The following TCF21 variants were observed in gnomAD, a reference collection of about 807,000 sequenced individuals.
TCF21 encodes the protein capsulin.
Under a neutral mutation model 13.5 loss-of-function variants are expected in TCF21, and 3 were observed. The observed-to-expected ratio is 0.22, with a 90% CI of 0.10 to 0.57. The LOEUF is 0.57. Among genes scored for constraint, TCF21 ranks in the 20% least tolerant of loss-of-function variants. The pLI is 0.92. For missense variants in TCF21, 181 were observed against 238.4 expected, an observed-to-expected ratio of 0.76 and a Z score of 1.59; for synonymous variants, 92 against 101.7, an observed-to-expected ratio of 0.90 and a Z score of 0.57.
downstream of TCF21, chr6:133,892,582 G>A (rs1311045784): frequency 6.6e-6 from 1 of 152,196 alleles, no homozygotes; most frequent in African/African-American, 2.4e-5. Context: ...GGATTCCACC[G>A]TATGACTGCT....
At position 133,889,934 on chromosome 6, in the gene TCF21, G is replaced by A. The variant is rs563397710; in HGVS notation, c.450+87G>A. On this transcript the variant is annotated intron_variant, in intron 1 of 1. Transcript: ENST00000367882. This position sits in a 1 kb window ranked among gnomAD's most constrained non-coding sequence, Gnocchi z 5.1. ...CGCGAGTGCGCGCGGGGCTGGGAGT[G>A]GGGGTGTGGGCGCGGCGGTGACTTA... The A allele has an allele frequency of 6.8e-6, 10 of 1,462,998 alleles. No homozygotes were observed. The highest frequency in any genetic ancestry group is 1.4e-5 in the African/African-American group (1 of 71,732). The allele number at this position is 1,462,998 out of a possible 1,614,324, so 90.6% of individuals were successfully genotyped here.
intron 1 of TCF21, among the ~76,000 whole-genome samples, chr6:133,891,067 G>A (rs1405369387): frequency 6.6e-6 from 1 of 152,192 alleles, no homozygotes; most frequent in African/African-American, 2.4e-5. Context: ...GGAAGAGAAA[G>A]CATACTTTCT....
chr6:133,892,080 A>G lies in TCF21; in HGVS notation c.*278A>G, dbSNP rs1294680355. The G allele has an allele frequency of 3.0e-6, 1 of 329,210 alleles. No individual in the cohort carries two copies. Among genetic ancestry groups the G allele is most frequent in the African/African-American group, 2.1e-5 (1 of 48,746 alleles). 20.4% of individuals were successfully genotyped at this position (329,210 alleles called of 1,614,324 possible). A position where few individuals can be genotyped will look rare whatever the true frequency, so the allele number is the denominator to read the frequency against. ...GTCCAAGTGCAATATGTAATTATAAATATATAAATAGATAAGAGCCTATCA... is the reference window on the plus strand; with the variant it reads ...GTCCAAGTGCAATATGTAATTATAAGTATATAAATAGATAAGAGCCTATCA... On this transcript the variant is annotated 3_prime_UTR_variant, in exon 2 of 2. Coordinates refer to ENST00000367882, the MANE Select transcript of TCF21 (RefSeq NM_003206.4).
chr6:133,893,153 A>AGTTTTG (rs1775248848), downstream of TCF21: 1 of 152,146 alleles, frequency 6.6e-6, no homozygotes, highest in African/African-American at 2.4e-5. Context: ...TTCTCGGCTT[A>AGTTTTG]GTTTGGTACC....
chr6:133,895,048 T>C (rs1775280543), downstream of TCF21: 1 of 152,132 alleles, frequency 6.6e-6, no homozygotes, highest in Admixed American at 6.5e-5. Flanking sequence ...TCATTGCTTG[T>C]ATGACTTCAC....
chr6:133,889,421 T>C lies in TCF21; in HGVS notation c.24T>C (p.Asp8=). MSTGSLS[D]VEDLQEVEML... ...ACATGTCCACCGGCTCCCTCAGCGA[T>C]GTGGAGGACCTTCAAGAGGTGGAGA... is the stretch of plus-strand genomic sequence containing the variant. The change falls in exon 1 of 2, where the codon GAT becomes GAC. Residue 8 remains aspartate, a synonymous_variant. Coordinates refer to ENST00000367882, the MANE Select transcript of TCF21 (RefSeq NM_003206.4). The surrounding 1 kb of genome is among the most constrained non-coding windows in gnomAD (Gnocchi z 5.1). 2.5e-6 allele frequency: 4 copies of C among 1,613,974 alleles called. No homozygotes were observed. The highest frequency in any genetic ancestry group is 1.1e-5 in the South Asian group (1 of 91,076).
In TCF21 at chr6:133,889,870, C is replaced by G. The variant is rs1445266366; in HGVS notation, c.450+23C>G. 1.2e-6 allele frequency: 2 copies of G among 1,612,272 alleles called. No individual in the cohort carries two copies. The highest frequency in any genetic ancestry group is 1.7e-6 in the Non-Finnish European group (2 of 1,179,514). On this transcript the variant is annotated intron_variant, in intron 1 of 1. Transcript: ENST00000367882. This position sits in a 1 kb window ranked among gnomAD's most constrained non-coding sequence, Gnocchi z 5.1. ...CTGGTGAGTGCTCCCGGGGCTGCAG[C>G]TGCAGTCCAGGCGCGCCCGCACTCC...
Position 133,889,260 on chromosome 6 carries a change from C to T in TCF21, c.-138C>T, listed in dbSNP as rs2114559410. The T allele has an allele frequency of 8.8e-7, 1 of 1,132,784 alleles. No individual in the cohort carries two copies. 70.2% of individuals were successfully genotyped at this position (1,132,784 alleles called of 1,614,324 possible). On this transcript the variant is annotated 5_prime_UTR_variant, in exon 1 of 2. Coordinates refer to ENST00000367882, the MANE Select transcript of TCF21 (RefSeq NM_003206.4). The surrounding 1 kb of genome is among the most constrained non-coding windows in gnomAD (Gnocchi z 5.1). ...AGACCCAACCAGACCCCAACTCCAG[C>T]TCCCAGCAGGAGGTGGCTGCGCCAC...
At chr6:133,890,082 G>A (rs1384183435) in intron 1 of TCF21, among the ~76,000 whole-genome samples, 1 of 152,200 alleles carries the variant, frequency 6.6e-6, no homozygotes, top group Non-Finnish European at 1.5e-5. Flanking sequence ...GGTTTGACGT[G>A]GCAGCCCAAT....
At chr6:133,893,162 C>A (rs950753194), downstream of TCF21, 1 of 152,232 alleles carries the variant, frequency 6.6e-6, no homozygotes, top group Non-Finnish European at 1.5e-5. Context: ...TAGTTTGGTA[C>A]CTGGAGCGAG....
chr6:133,894,236 TTCTC>T (rs1299036780), downstream of TCF21: 5 of 152,170 alleles, frequency 3.3e-5, no homozygotes, highest in African/African-American at 1.2e-4. Flanking sequence ...TATTGACTCT[TTCTC>T]TCTCTCTTTC....
chr6:133,894,641 C>T (rs3734281), downstream of TCF21: 98,331 of 152,748 alleles, frequency 0.64, 33,290 homozygotes, highest in East Asian at 0.83. Context: ...AGGTCTCTCT[C>T]CTCCGGTCTT....
intron 1 of TCF21, among the ~76,000 whole-genome samples, chr6:133,890,448 A>G (rs1775193007): frequency 6.6e-6 from 1 of 152,190 alleles, no homozygotes; most frequent in Admixed American, 6.5e-5. Flanking sequence ...AAGTTCTAGT[A>G]ATGATCAGCA....
In TCF21 at chr6:133,889,946, G is replaced by A; in HGVS notation, c.450+99G>A. On this transcript the variant is annotated intron_variant, in intron 1 of 1. Coordinates refer to ENST00000367882, the MANE Select transcript of TCF21 (RefSeq NM_003206.4). This position sits in a 1 kb window ranked among gnomAD's most constrained non-coding sequence, Gnocchi z 5.1. Reference sequence around the variant, plus strand: ...CGGGGCTGGGAGTGGGGGTGTGGGCGCGGCGGTGACTTACACATCTCGACC... The same window carrying A: ...CGGGGCTGGGAGTGGGGGTGTGGGCACGGCGGTGACTTACACATCTCGACC... The A allele has an allele frequency of 7.2e-7, 1 of 1,395,930 alleles. No homozygotes were observed. Among genetic ancestry groups the A allele is most frequent in the Non-Finnish European group, 1.0e-6 (1 of 993,624 alleles). 86.5% of individuals were successfully genotyped at this position (1,395,930 alleles called of 1,614,324 possible).
downstream of TCF21, chr6:133,895,336 G>A (rs1372822978): frequency 6.6e-6 from 1 of 152,142 alleles, no homozygotes; most frequent in Non-Finnish European, 1.5e-5. Flanking sequence ...AATGTTTTCA[G>A]GTGTCTCATG....
In TCF21 at chr6:133,889,825, G is replaced by A. The variant is rs748977486; in HGVS notation, c.428G>A (p.Gly143Glu). ...CTGGCTAACGACAAATACGAGAACG[G>A]GTACATTCACCCGGTCAACCTGGTG... is the stretch of plus-strand genomic sequence containing the variant. ...QILANDKYEN[G>E]YIHPVNLTWP... The change falls in exon 1 of 2, where the codon GGG becomes GAG. Residue 143 changes from glycine to glutamate, a missense_variant. Physicochemically the swap from Gly to Glu is moderately conservative, Grantham distance 98 (BLOSUM62 -2). Coordinates refer to ENST00000367882, the MANE Select transcript of TCF21 (RefSeq NM_003206.4). This position sits in a 1 kb window ranked among gnomAD's most constrained non-coding sequence, Gnocchi z 5.1. 1 of 1,612,882 alleles carries A rather than the reference G, an allele frequency of 6.2e-7. No individual in the cohort carries two copies. Among genetic ancestry groups the A allele is most frequent in the Middle Eastern group, 1.6e-4 (1 of 6,062 alleles).
downstream of TCF21, chr6:133,894,464 G>A (rs562737699): frequency 3.3e-5 from 5 of 152,442 alleles, no homozygotes; most frequent in Middle Eastern, 3.4e-3. Context: ...ATTGAATGGA[G>A]TGAGGATCAA....
chr6:133,892,805 C>T (rs1468141160), downstream of TCF21: 1 of 152,236 alleles, frequency 6.6e-6, no homozygotes, highest in Non-Finnish European at 1.5e-5. Flanking sequence ...GCATGCCTGC[C>T]TTTTGGTTGC....
chr6:133,890,351 A>C (rs1775191063), intron 1 of TCF21, among the ~76,000 whole-genome samples: 1 of 152,206 alleles, frequency 6.6e-6, no homozygotes, highest in Non-Finnish European at 1.5e-5. Context: ...GGACACATCT[A>C]TGCCCCCCAA....
Sources: gnomAD v4.1 joint callset for allele counts (sites outside exome capture counted in the v4.1 genomes callset) on GRCh38, gnomAD v4.1.1 for gene constraint, Gnocchi (gnomAD v3.1) non-coding constraint, MANE v1.5 for transcripts, NCBI Gene and HGNC (gene_info 2026-07-23, HGNC 2026-07-21) for gene names.